The following RREB1 variants were observed in gnomAD, a reference collection of about 807,000 sequenced individuals.
RREB1 encodes the protein ras-responsive element-binding protein 1.
RREB1 carries 27 observed loss-of-function variants against 117.8 expected under a neutral mutation model. The observed-to-expected ratio is 0.23, with a 90% CI of 0.17 to 0.32. The LOEUF (loss-of-function observed/expected upper bound fraction) is 0.32. RREB1 is among the 10% of genes least tolerant of loss of function. The probability of loss-of-function intolerance (pLI) is 1.00; values close to 1 mark genes in which losing one functional copy is unlikely to be tolerated. For missense variants in RREB1, 2,577 were observed against 2,378.2 expected, an observed-to-expected ratio of 1.08 and a Z score of -1.74; for synonymous variants, 1,298 against 1,026.7, an observed-to-expected ratio of 1.26 and a Z score of -5.05.
intron 1 of RREB1, among the ~76,000 whole-genome samples, chr6:7,119,798 A>C (rs924829698): frequency 1.3e-5 from 2 of 152,204 alleles, no homozygotes; most frequent in Non-Finnish European, 2.9e-5. Context: ...GGCTAGAAGG[A>C]AGCAACTGTT....
chr6:7,200,664 A>T (rs1561777293), intron 6 of RREB1, among the ~76,000 whole-genome samples: 1 of 152,244 alleles, frequency 6.6e-6, no homozygotes, highest in Non-Finnish European at 1.5e-5. Context: ...GACCAAGTTC[A>T]TGTTCAGTTA....
At chr6:7,113,135 CGGGG>C (rs1761228624) in intron 1 of RREB1, among the ~76,000 whole-genome samples, 3 of 151,240 alleles carry the variant, frequency 2.0e-5, no homozygotes, top group Admixed American at 6.6e-5. Context: ...CTGTGAAGTC[CGGGG>C]ACTGGGGACT....
Position 7,249,391 on chromosome 6 carries a change from G to T in RREB1, c.*423G>T, listed in dbSNP as rs371705689. 108 of 168,722 alleles carry T rather than the reference G, an allele frequency of 6.4e-4. No homozygotes were observed. The highest frequency in any genetic ancestry group is 2.4e-3 in the African/African-American group (103 of 42,302). The allele number at this position is 168,722 out of a possible 1,614,324, so 10.5% of individuals were successfully genotyped here. A position where few individuals can be genotyped will look rare whatever the true frequency, so the allele number is the denominator to read the frequency against. The stretch of plus-strand genomic sequence containing the variant: ...TTTGTTCTGTGAGCTGGAAACAGAA[G>T]GAAAAAACATACCCTTGGGTACCCA... On this transcript the variant is annotated 3_prime_UTR_variant, in exon 13 of 13. Coordinates refer to ENST00000379938, the MANE Select transcript of RREB1 (RefSeq NM_001003699.4).
In RREB1 at chr6:7,230,660, G is replaced by A; in HGVS notation, c.2561G>A (p.Gly854Asp). ...RGEDSGCAAL[G>D]DCKPLTAFLE... The stretch of plus-strand genomic sequence containing the variant: ...GAGGACAGTGGCTGCGCTGCCCTTG[G>A]TGACTGCAAGCCCCTCACTGCCTTC... The change falls in exon 10 of 13, where the codon GGT (glycine) becomes GAT (aspartate). Residue 854 changes from glycine (G) to aspartate (D), a missense_variant. Gly to Asp is a moderately conservative substitution (Grantham distance 94). Transcript: ENST00000379938. 6.3e-7 allele frequency: 1 copy of A among 1,598,316 alleles called. No homozygotes were observed. Among genetic ancestry groups the A allele is most frequent in the South Asian group, 1.1e-5 (1 of 89,048 alleles).
intron 1 of RREB1, among the ~76,000 whole-genome samples, chr6:7,141,676 AC>A (rs1762599296): frequency 6.6e-6 from 1 of 152,226 alleles, no homozygotes; most frequent in African/African-American, 2.4e-5. Flanking sequence ...AGCTCCAAAA[AC>A]TTTTGTTTAA....
rs1768645160 is a variant in RREB1 at position 7,240,598 on chromosome 6, C to T, written c.3969C>T (p.Ser1323=). 4.3e-6 allele frequency: 7 copies of T among 1,610,012 alleles called. No homozygotes were observed. The highest frequency in any genetic ancestry group is 5.9e-6 in the Non-Finnish European group (7 of 1,177,664). ...AGAGTGATGTTGGATCCCATGATAG[C>T]ACAGGTAGTGCCGCCAGGTGAACAA... ...SKESDVGSHD[S]TDSQSDAETA... is the part of the protein sequence containing the mutation. Residue 1323 remains serine, a synonymous_variant, in exon 11 of 13, where the codon AGC becomes AGT. Transcript: ENST00000379938.
intron 1 of RREB1, among the ~76,000 whole-genome samples, chr6:7,138,916 T>A (rs1377420914): frequency 1.2e-5 from 1 of 81,864 alleles, no homozygotes; most frequent in African/African-American, 3.7e-5. Flanking sequence ...ATGAAAAGAT[T>A]TTTTTTCTAA....
intron 6 of RREB1, among the ~76,000 whole-genome samples, chr6:7,194,015 G>A (rs1324651992): frequency 1.3e-5 from 2 of 152,108 alleles, no homozygotes; most frequent in East Asian, 1.9e-4. Context: ...GTTATAGAAC[G>A]TTATTTTCAA....
intron 1 of RREB1, among the ~76,000 whole-genome samples, chr6:7,167,349 ATTTTTTT>A (rs777728313): frequency 4.2e-4 from 51 of 120,068 alleles, no homozygotes; most frequent in Non-Finnish European, 7.6e-4. Flanking sequence ...CTGGGACAGG[ATTTTTTT>A]TTTTTTTTTT....
chr6:7,220,421 A>T (rs1217003350), intron 8 of RREB1, among the ~76,000 whole-genome samples: 3 of 150,766 alleles, frequency 2.0e-5, no homozygotes, highest in Admixed American at 6.6e-5. Flanking sequence ...TCCACTGATG[A>T]TTTTTTTTTT....
chr6:7,130,770 C>G (rs1251260585), intron 1 of RREB1, among the ~76,000 whole-genome samples: 5 of 151,802 alleles, frequency 3.3e-5, no homozygotes, highest in African/African-American at 9.7e-5. Context: ...GCACCTGCCA[C>G]CACACCCAGC....
At chr6:7,222,597 G>C (rs2714349) in intron 8 of RREB1, among the ~76,000 whole-genome samples, 1 of 151,998 alleles carries the variant, frequency 6.6e-6, no homozygotes, top group Non-Finnish European at 1.5e-5. Flanking sequence ...GAAACAGGAG[G>C]GATTTAAGGG....
chr6:7,168,156 G>A (rs567996596), intron 1 of RREB1, among the ~76,000 whole-genome samples: 28 of 151,222 alleles, frequency 1.9e-4, no homozygotes, highest in Middle Eastern at 3.4e-3. Flanking sequence ...TCGGGAGGCT[G>A]AGGCAGGAGA....
intron 10 of RREB1, among the ~76,000 whole-genome samples, chr6:7,238,558 G>T (rs1279056673): frequency 6.6e-6 from 1 of 152,060 alleles, no homozygotes; most frequent in Non-Finnish European, 1.5e-5. Flanking sequence ...TTTGGAAGAC[G>T]CACCATGAAC....
At chr6:7,119,469 G>A (rs146088086) in intron 1 of RREB1, among the ~76,000 whole-genome samples, 26 of 152,276 alleles carry the variant, frequency 1.7e-4, no homozygotes, top group Non-Finnish European at 2.6e-4. Context: ...CTGGGAGGCC[G>A]GTCAAGGAAG....
chr6:7,234,143 CAAGT>C (rs1287023199), intron 10 of RREB1, among the ~76,000 whole-genome samples: 1 of 152,166 alleles, frequency 6.6e-6, no homozygotes, highest in Admixed American at 6.5e-5. Flanking sequence ...TTAAGCCTGA[CAAGT>C]AAAGCAACCA....
intron 1 of RREB1, among the ~76,000 whole-genome samples, chr6:7,164,924 A>T (rs1336751610): frequency 6.6e-6 from 1 of 152,268 alleles, no homozygotes; most frequent in Non-Finnish European, 1.5e-5. Context: ...TTATTTTAAG[A>T]ATAGTAGTGT....
intron 10 of RREB1, 28 bp downstream of exon 10, chr6:7,231,935 G>T: frequency 6.4e-7 from 1 of 1,555,562 alleles, no homozygotes; most frequent in Non-Finnish European, 8.7e-7. Flanking sequence ...CTCCCAGGCA[G>T]TGAGTCCTAC....
At chr6:7,221,166 CTT>C (rs57490974) in intron 8 of RREB1, among the ~76,000 whole-genome samples, 7 of 144,978 alleles carry the variant, frequency 4.8e-5, no homozygotes, top group Admixed American at 6.9e-5. Context: ...AAGTGTTTTT[CTT>C]TTTTTTTTTT....
Sources: gnomAD v4.1 joint callset for allele counts (sites outside exome capture counted in the v4.1 genomes callset) on GRCh38, gnomAD v4.1.1 for gene constraint, MANE v1.5 for transcripts, NCBI Gene and HGNC (gene_info 2026-07-23, HGNC 2026-07-21) for gene names.